The following CMTM4 variants were observed in gnomAD, a reference collection of about 807,000 sequenced individuals.
The protein encoded by CMTM4 is CKLF-like MARVEL transmembrane domain-containing protein 4.
A neutral mutation model predicts 19.0 loss-of-function variants in CMTM4; 8 were observed. That is an observed-to-expected ratio of 0.42 (90% confidence interval 0.25 to 0.76). The LOEUF (loss-of-function observed/expected upper bound fraction) is 0.76, where lower values mean the gene tolerates loss of function less well. Among genes scored for constraint, CMTM4 ranks in the 30% least tolerant of loss-of-function variants. CMTM4 has a pLI of 0.27. For missense variants in CMTM4, 228 were observed against 290.2 expected (o/e 0.79, Z 1.56); for synonymous variants, 106 against 121.1 (o/e 0.88, Z 0.82).
chr16:66,608,310 G>T, the CMTM4 span: 1 of 1,614,170 alleles, frequency 6.2e-7, no homozygotes, highest in African/African-American at 1.3e-5. This position sits in a 1 kb window ranked among gnomAD's most constrained non-coding sequence, Gnocchi z 5.1. Context: ...TCCCCGCAGG[G>T]TCTCTCATTC....
intron 1 of CMTM4, among the ~76,000 whole-genome samples, chr16:66,676,257 A>T (rs917411244): frequency 6.6e-6 from 1 of 152,152 alleles, no homozygotes. Context: ...GAACATCACA[A>T]AGAGTTGATG....
intron 1 of CMTM4, among the ~76,000 whole-genome samples, chr16:66,661,651 C>T (rs57967030): frequency 0.016 from 2,416 of 152,202 alleles, 71 homozygotes; most frequent in African/African-American, 0.055. Context: ...TACTATAGGC[C>T]GGGCACGGTG....
chr16:66,613,451 CA>C, downstream of CMTM4: 1 of 324,080 alleles, frequency 3.1e-6, no homozygotes, highest in Non-Finnish European at 5.8e-6. Context: ...CCTGGACCCT[CA>C]GGACAGTGAA....
At chr16:66,654,095 C>A (rs2016358070) in intron 1 of CMTM4, among the ~76,000 whole-genome samples, 1 of 152,146 alleles carries the variant, frequency 6.6e-6, no homozygotes, top group African/African-American at 2.4e-5. Context: ...CTAAAATACA[C>A]AATTCAGTGA....
intron 1 of CMTM4, among the ~76,000 whole-genome samples, chr16:66,674,732 C>CTTTT (rs771044359): frequency 0.01 from 934 of 92,482 alleles, 71 homozygotes; most frequent in East Asian, 0.039. Context: ...GTTACATATT[C>CTTTT]TTTTTTTTTT....
intron 1 of CMTM4, among the ~76,000 whole-genome samples, chr16:66,644,968 T>A (rs1346311014): frequency 6.6e-6 from 1 of 152,194 alleles, no homozygotes; most frequent in African/African-American, 2.4e-5. Flanking sequence ...CAGCATGGCA[T>A]GCAGACAGTG....
At chr16:66,671,611 T>G (rs1274057834) in intron 1 of CMTM4, among the ~76,000 whole-genome samples, 1 of 152,148 alleles carries the variant, frequency 6.6e-6, no homozygotes. Context: ...CTTACACAGC[T>G]TGTCATGCTC....
intron 1 of CMTM4, among the ~76,000 whole-genome samples, chr16:66,693,196 C>T (rs2017168490): frequency 6.6e-6 from 1 of 152,056 alleles, no homozygotes. Context: ...TGCACTCCAT[C>T]CTGGGCATCA....
intron 1 of CMTM4, among the ~76,000 whole-genome samples, chr16:66,644,331 T>C (rs1489698325): frequency 6.6e-6 from 1 of 152,236 alleles, no homozygotes; most frequent in African/African-American, 2.4e-5. Flanking sequence ...AGTGGCAACC[T>C]AAAATCTGAA....
In CMTM4 at chr16:66,619,855, C is replaced by A; in HGVS notation, c.*2203G>T. On this transcript the variant is annotated 3_prime_UTR_variant, in exon 4 of 4. Transcript: ENST00000394106. ...ACATAAATAATTCTGAAGAGTCTAT[C>A]ACGAAGATGCAAATTAACTCCTAAG... 1.0e-6 allele frequency: 1 copy of A among 985,386 alleles called. No homozygotes were observed. Among genetic ancestry groups the A allele is most frequent in the Non-Finnish European group, 1.2e-6 (1 of 829,916 alleles). The allele number at this position is 985,386 out of a possible 1,614,324, so 61.0% of individuals were successfully genotyped here.
At chr16:66,651,379 T>C (rs1054408702) in intron 1 of CMTM4, among the ~76,000 whole-genome samples, 1 of 152,098 alleles carries the variant, frequency 6.6e-6, no homozygotes, top group African/African-American at 2.4e-5. Context: ...GGGCAAATAG[T>C]TCTGCAATGC....
chr16:66,651,369 G>A (rs556040410), intron 1 of CMTM4, among the ~76,000 whole-genome samples: 2 of 152,234 alleles, frequency 1.3e-5, no homozygotes, highest in African/African-American at 4.8e-5. Context: ...CTGCAAACGG[G>A]GGCAAATAGT....
chr16:66,639,167 G>C (rs894725564), intron 1 of CMTM4, among the ~76,000 whole-genome samples: 2 of 152,046 alleles, frequency 1.3e-5, no homozygotes, highest in African/African-American at 2.4e-5. Context: ...TGCCTAACTT[G>C]CAATCAATTC....
the CMTM4 span, among the ~76,000 whole-genome samples, chr16:66,607,004 G>C: frequency 6.6e-6 from 1 of 152,186 alleles, no homozygotes; most frequent in Admixed American, 6.5e-5. Context: ...TGGGGCGGAG[G>C]TAAGATAACT....
intron 1 of CMTM4, among the ~76,000 whole-genome samples, chr16:66,689,801 T>G (rs1287240141): frequency 6.6e-6 from 1 of 152,216 alleles, no homozygotes; most frequent in Non-Finnish European, 1.5e-5. Context: ...CAAATTGGTT[T>G]GGTGTATTAT....
chr16:66,605,174 G>A, the CMTM4 span: 30 of 423,086 alleles, frequency 7.1e-5, 1 homozygote, highest in Non-Finnish European at 1.1e-4. This position sits in a 1 kb window ranked among gnomAD's most constrained non-coding sequence, Gnocchi z 4.6. Context: ...CCGCGGCGCT[G>A]TCCCCGCGAG....
intron 1 of CMTM4, among the ~76,000 whole-genome samples, chr16:66,671,143 A>G (rs2016698913): frequency 6.6e-6 from 1 of 152,218 alleles, no homozygotes; most frequent in South Asian, 2.1e-4. Flanking sequence ...CTTGACTGTA[A>G]GCTCCTTGAC....
intron 1 of CMTM4, among the ~76,000 whole-genome samples, chr16:66,680,039 G>A (rs2016880258): frequency 6.6e-6 from 1 of 152,104 alleles, no homozygotes; most frequent in African/African-American, 2.4e-5. Flanking sequence ...TGATAAGCTT[G>A]CCATGAACGT....
intron 1 of CMTM4, among the ~76,000 whole-genome samples, chr16:66,694,628 G>A (rs374249800): frequency 4.0e-4 from 60 of 149,618 alleles, no homozygotes; most frequent in African/African-American, 1.4e-3. Flanking sequence ...CAGGAGAATC[G>A]CTTGAACCCG....
Sources: gnomAD v4.1 joint callset for allele counts (sites outside exome capture counted in the v4.1 genomes callset) on GRCh38, gnomAD v4.1.1 for gene constraint, Gnocchi (gnomAD v3.1) non-coding constraint, MANE v1.5 for transcripts, NCBI Gene and HGNC (gene_info 2026-07-23, HGNC 2026-07-21) for gene names.